Variants in PDZD2 observed in about 807,000 individuals in gnomAD.
PDZD2 encodes the protein PDZ domain containing 2.
Under a neutral mutation model 220.7 loss-of-function variants are expected in PDZD2, and 90 were observed. The ratio of observed to expected loss-of-function variants is 0.41; its 90% CI spans 0.34 to 0.49. The LOEUF is 0.49. PDZD2 is among the 20% of genes least tolerant of loss of function. The pLI, the probability that PDZD2 is intolerant of heterozygous loss-of-function variation, is 0.28. For missense variants in PDZD2, 3,174 were observed against 3,608.5 expected (o/e 0.88, Z 3.08); for synonymous variants, 1,375 against 1,450.5 (o/e 0.95, Z 1.18).
In PDZD2 at chr5:32,074,375, C is replaced by T. The variant is rs575419872; in HGVS notation, c.3269C>T (p.Thr1090Ile). Residue 1090 changes from threonine to isoleucine, a missense_variant, in exon 18 of 25, where the codon ACA becomes ATA. Physicochemically the swap from Thr to Ile is moderately conservative, Grantham distance 89. Coordinates refer to ENST00000438447, the MANE Select transcript of PDZD2 (RefSeq NM_178140.4). The part of the protein sequence containing the change: ...GSSSAPKLEY[T>I]VRTDTQSPTN... The stretch of plus-strand genomic sequence containing the variant: ...AGTAGCGCACCCAAATTGGAATACA[C>T]AGTCCGTACAGACACCCAGAGTCCG... 5 of 1,614,200 alleles carry T rather than the reference C, an allele frequency of 3.1e-6. No individual in the cohort carries two copies. Among genetic ancestry groups the T allele is most frequent in the South Asian group, 1.1e-5 (1 of 91,084 alleles).
chr5:31,732,997 A>G (rs1580645907), intron 1 of PDZD2, among the ~76,000 whole-genome samples: 2 of 152,282 alleles, frequency 1.3e-5, no homozygotes, highest in South Asian at 4.1e-4. Flanking sequence ...CCAAAGTGCT[A>G]GGATTATAGG....
intron 1 of PDZD2, among the ~76,000 whole-genome samples, chr5:31,686,361 GTTTTC>G (rs1028201938): frequency 2.0e-5 from 3 of 151,272 alleles, no homozygotes; most frequent in African/African-American, 7.3e-5. Flanking sequence ...TATAAAAAAA[GTTTTC>G]TTTTTTTTTT....
intron 2 of PDZD2, among the ~76,000 whole-genome samples, chr5:31,967,951 A>G (rs910821023): frequency 6.6e-6 from 1 of 152,244 alleles, no homozygotes; most frequent in Admixed American, 6.5e-5. Context: ...AATAAAATGC[A>G]GTTGATATGA....
chr5:31,855,166 G>A, intron 2 of PDZD2: 3 of 964,824 alleles, frequency 3.1e-6, no homozygotes, highest in Non-Finnish European at 3.7e-6. Context: ...TTCAGAACTG[G>A]AGGTAGGAAA....
chr5:31,942,797 C>T (rs998559429), intron 2 of PDZD2, among the ~76,000 whole-genome samples: 6 of 152,200 alleles, frequency 3.9e-5, no homozygotes, highest in East Asian at 1.9e-4. Flanking sequence ...GTCAGATGAA[C>T]TCCCCAAGGT....
At chr5:32,026,969 C>G (rs1754716232) in intron 6 of PDZD2, among the ~76,000 whole-genome samples, 1 of 152,342 alleles carries the variant, frequency 6.6e-6, no homozygotes, top group Non-Finnish European at 1.5e-5. Flanking sequence ...GTGGCACGAT[C>G]TCGGCTCACT....
At chr5:31,851,939 C>A (rs1758078777) in intron 2 of PDZD2, among the ~76,000 whole-genome samples, 1 of 151,890 alleles carries the variant, frequency 6.6e-6, no homozygotes, top group African/African-American at 2.4e-5. Context: ...TCACTGCAAC[C>A]TCCGCCTCCT....
chr5:31,788,140 G>A (rs753090046), intron 1 of PDZD2, among the ~76,000 whole-genome samples: 15 of 152,150 alleles, frequency 9.9e-5, no homozygotes, highest in Non-Finnish European at 1.2e-4. Flanking sequence ...GGAGGCCAAG[G>A]CGGGTGGATC....
chr5:31,880,791 C>CTTTTTTTCTTTT (rs1580978227), intron 2 of PDZD2, among the ~76,000 whole-genome samples: 6 of 76,470 alleles, frequency 7.8e-5, no homozygotes, highest in Admixed American at 1.4e-4. Flanking sequence ...TTTTTTTTTT[C>CTTTTTTTCTTTT]TTTTTTTTTT....
chr5:31,983,063 G>T, intron 2 of PDZD2, 92 bp from the exon 3 acceptor site: 1 of 1,365,710 alleles, frequency 7.3e-7, no homozygotes, highest in Non-Finnish European at 1.0e-6. Flanking sequence ...CCAACTGGTC[G>T]TCACTTGGGT....
chr5:31,858,271 A>G (rs1036343939), intron 2 of PDZD2, among the ~76,000 whole-genome samples: 6 of 144,110 alleles, frequency 4.2e-5, no homozygotes, highest in African/African-American at 1.0e-4. Flanking sequence ...CCAGTTTCCT[A>G]GAGTTTAAAA....
intron 2 of PDZD2, among the ~76,000 whole-genome samples, chr5:31,884,802 C>T (rs1740291199): frequency 6.6e-6 from 1 of 152,002 alleles, no homozygotes; most frequent in South Asian, 2.1e-4. Flanking sequence ...ACCACCACTC[C>T]TGGCTAATTT....
chr5:31,724,369 G>C (rs894964038), intron 1 of PDZD2, among the ~76,000 whole-genome samples: 3 of 152,146 alleles, frequency 2.0e-5, no homozygotes, highest in Admixed American at 1.3e-4. Context: ...TTGGGAGGCC[G>C]AGATGGGCGG....
At chr5:31,848,879 C>A (rs1757751651) in intron 2 of PDZD2, among the ~76,000 whole-genome samples, 1 of 152,124 alleles carries the variant, frequency 6.6e-6, no homozygotes, top group Non-Finnish European at 1.5e-5. Context: ...GAAACCCCGT[C>A]TCTACTAAAA....
At chr5:31,872,915 G>A (rs946813677) in intron 2 of PDZD2, among the ~76,000 whole-genome samples, 7 of 152,128 alleles carry the variant, frequency 4.6e-5, no homozygotes, top group East Asian at 3.8e-4. Context: ...TGATATTGGC[G>A]TTGCAGGACT....
At chr5:31,757,607 A>T (rs993402183) in intron 1 of PDZD2, among the ~76,000 whole-genome samples, 1 of 151,648 alleles carries the variant, frequency 6.6e-6, no homozygotes, top group Non-Finnish European at 1.5e-5. Context: ...AAAAAAAAAG[A>T]ATATGTGAAT....
intron 1 of PDZD2, among the ~76,000 whole-genome samples, chr5:31,645,179 G>C (rs1279681588): frequency 1.3e-5 from 2 of 152,154 alleles, no homozygotes; most frequent in African/African-American, 2.4e-5. Flanking sequence ...AATAAACTTA[G>C]CTCATTCCAG....
chr5:31,917,899 CCAG>C (rs1743832066), intron 2 of PDZD2, among the ~76,000 whole-genome samples: 3 of 152,078 alleles, frequency 2.0e-5, no homozygotes, highest in Non-Finnish European at 2.9e-5. Flanking sequence ...GCCCCTACAC[CCAG>C]CTAATTTTGT....
intron 1 of PDZD2, among the ~76,000 whole-genome samples, chr5:31,652,193 A>G (rs1022996414): frequency 2.0e-5 from 3 of 150,852 alleles, no homozygotes. Flanking sequence ...GTGTCTTGCC[A>G]TGTTACCCAG....
Sources: gnomAD v4.1 joint callset for allele counts (sites outside exome capture counted in the v4.1 genomes callset) on GRCh38, gnomAD v4.1.1 for gene constraint, MANE v1.5 for transcripts, NCBI Gene and HGNC (gene_info 2026-07-23, HGNC 2026-07-21) for gene names.